CADPS: variants seen among roughly 807,000 people sequenced by gnomAD.
The protein encoded by CADPS is calcium dependent secretion activator.
A neutral mutation model predicts 167.3 loss-of-function variants in CADPS; 57 were observed. The ratio of observed to expected loss-of-function variants is 0.34; its 90% CI spans 0.28 to 0.42. The LOEUF (loss-of-function observed/expected upper bound fraction) is 0.42. Among genes scored for constraint, CADPS ranks in the 20% least tolerant of loss-of-function variants. The pLI, the probability that CADPS is intolerant of heterozygous loss-of-function variation, is 1.00. For synonymous variants in CADPS, 676 were observed against 635.3 expected, an observed-to-expected ratio of 1.06 and a Z score of -0.96; for missense variants, 1,414 against 1,738.1, an observed-to-expected ratio of 0.81 and a Z score of 3.32.
chr3:62,578,028 T>A (rs1295648520), intron 8 of CADPS, among the ~76,000 whole-genome samples: 8 of 152,122 alleles, frequency 5.3e-5, no homozygotes, highest in African/African-American at 1.9e-4. Flanking sequence ...TAACATTAAA[T>A]GCAAATAGGC....
intron 6 of CADPS, among the ~76,000 whole-genome samples, chr3:62,626,990 G>A (rs1191844476): frequency 6.6e-6 from 1 of 152,042 alleles, no homozygotes; most frequent in Non-Finnish European, 1.5e-5. Context: ...GTAGATATAT[G>A]TCCTAATTCT....
intron 2 of CADPS, among the ~76,000 whole-genome samples, chr3:62,759,535 A>G (rs566091089): frequency 6.6e-6 from 1 of 152,184 alleles, no homozygotes; most frequent in Non-Finnish European, 1.5e-5. Flanking sequence ...AAGACAGTTT[A>G]CTGATGAGAG....
At chr3:62,666,790 T>A (rs577544241) in intron 3 of CADPS, among the ~76,000 whole-genome samples, 1 of 152,286 alleles carries the variant, frequency 6.6e-6, no homozygotes, top group African/African-American at 2.4e-5. Context: ...TGGGTGGTAC[T>A]CTTTCCGTCA....
intron 9 of CADPS, among the ~76,000 whole-genome samples, chr3:62,561,494 T>C (rs1022073298): frequency 6.6e-6 from 1 of 151,858 alleles, no homozygotes; most frequent in Non-Finnish European, 1.5e-5. Flanking sequence ...TGGTTTGAAC[T>C]CCTGGGCTCA....
intron 3 of CADPS, among the ~76,000 whole-genome samples, chr3:62,689,839 A>AAG (rs2078772416): frequency 6.6e-6 from 1 of 151,998 alleles, no homozygotes; most frequent in Non-Finnish European, 1.5e-5. Context: ...GAGGATGGGT[A>AAG]AGATTTCAAA....
At chr3:62,688,208 C>T (rs1011426905) in intron 3 of CADPS, among the ~76,000 whole-genome samples, 3 of 150,402 alleles carry the variant, frequency 2.0e-5, no homozygotes, top group African/African-American at 7.4e-5. Flanking sequence ...TGGCCACTAC[C>T]CAATGTAAAC....
intron 1 of CADPS, among the ~76,000 whole-genome samples, chr3:62,843,925 T>G (rs879465670): frequency 1.3e-5 from 2 of 152,056 alleles, no homozygotes; most frequent in Non-Finnish European, 2.9e-5. Context: ...TGTAAAAAGA[T>G]CAATACTTTA....
intron 28 of CADPS, among the ~76,000 whole-genome samples, chr3:62,410,053 T>TAC (rs886268480): frequency 6.6e-6 from 1 of 151,970 alleles, no homozygotes; most frequent in African/African-American, 2.4e-5. Flanking sequence ...CATACATATA[T>TAC]ACACACACAC....
intron 28 of CADPS, among the ~76,000 whole-genome samples, chr3:62,432,220 C>T (rs1267642321): frequency 1.3e-5 from 2 of 152,070 alleles, no homozygotes; most frequent in Non-Finnish European, 2.9e-5. Flanking sequence ...TTTTTAACTA[C>T]GTCTGTCTAC....
intron 8 of CADPS, among the ~76,000 whole-genome samples, chr3:62,572,529 TA>T (rs373925822): frequency 3.3e-5 from 5 of 152,226 alleles, no homozygotes; most frequent in African/African-American, 1.2e-4. Flanking sequence ...GCCTCCCCCC[TA>T]CCCCCACCAT....
intron 21 of CADPS, among the ~76,000 whole-genome samples, chr3:62,484,526 T>C (rs950291180): frequency 6.6e-6 from 1 of 152,164 alleles, no homozygotes; most frequent in African/African-American, 2.4e-5. Flanking sequence ...ATTGCAATCC[T>C]AACAACTTAT....
At chr3:62,652,224 C>G (rs1056779245) in intron 4 of CADPS, among the ~76,000 whole-genome samples, 7 of 151,862 alleles carry the variant, frequency 4.6e-5, no homozygotes, top group African/African-American at 1.7e-4. Context: ...AATTCTCACC[C>G]AAAGTCTAAC....
rs78245568 is a variant in CADPS, at chr3:62,628,422, A to G, written c.1325+17300T>C. Among the ~76,000 whole-genome samples the G allele has an allele frequency of 5.5e-3, 837 of 152,262 alleles. 9 individuals are homozygous for G. The highest frequency in any genetic ancestry group is 0.02 in the African/African-American group (816 of 41,552). ...TTTCTATATTTAATGAATTTTTTTG[A>G]ATGTCAGCAAAATCTAGTAATATGC... On this transcript the variant is annotated intron_variant, in intron 6 of 29. Coordinates refer to ENST00000383710, the MANE Select transcript of CADPS (RefSeq NM_003716.4).
intron 1 of CADPS, among the ~76,000 whole-genome samples, chr3:62,787,074 G>A (rs1290283783): frequency 4.0e-5 from 6 of 151,748 alleles, no homozygotes; most frequent in Non-Finnish European, 7.4e-5. Flanking sequence ...CAGGAGGATC[G>A]CTTGATCTCC....
intron 9 of CADPS, among the ~76,000 whole-genome samples, chr3:62,558,704 T>C (rs2078629547): frequency 6.6e-6 from 1 of 152,118 alleles, no homozygotes. Flanking sequence ...ATGAAGGGTG[T>C]CCGCAGGAGG....
intron 1 of CADPS, among the ~76,000 whole-genome samples, chr3:62,789,816 G>A (rs1042302474): frequency 1.2e-4 from 18 of 151,850 alleles, no homozygotes; most frequent in East Asian, 3.9e-4. Context: ...TATAATTAAC[G>A]TGTATCAAGC....
chr3:62,437,098 T>G (rs1280489972), intron 28 of CADPS, among the ~76,000 whole-genome samples: 2 of 151,238 alleles, frequency 1.3e-5, no homozygotes, highest in Non-Finnish European at 2.9e-5. Context: ...GACCAAAACA[T>G]TAATGTTCGC....
chr3:62,544,915 A>G lies in CADPS; in HGVS notation c.1966+4988T>C, dbSNP rs2076219829. ...CCAGAATAACATAAAGACTAGCAAC[A>G]AGGCTCAGGAAAGCAGACAGGAGTT... On this transcript the variant is annotated intron_variant, in intron 11 of 29. Transcript: ENST00000383710. This position sits in a 1 kb window ranked among gnomAD's most constrained non-coding sequence, Gnocchi z 4.4. 2 of 1,113,232 alleles carry G rather than the reference A, an allele frequency of 1.8e-6. No individual in the cohort carries two copies. The highest frequency in any genetic ancestry group is 2.3e-6 in the Non-Finnish European group (2 of 876,544). 69.0% of individuals were successfully genotyped at this position (1,113,232 alleles called of 1,614,324 possible). A position where few individuals can be genotyped will look rare whatever the true frequency, so the allele number is the denominator to read the frequency against.
chr3:62,644,510 C>T (rs79567622), intron 6 of CADPS, among the ~76,000 whole-genome samples: 5,084 of 152,158 alleles, frequency 0.033, 292 homozygotes, highest in African/African-American at 0.12. Context: ...TCCACTGCAG[C>T]GAGAGTCATC....
Sources: gnomAD v4.1 joint callset for allele counts (sites outside exome capture counted in the v4.1 genomes callset) on GRCh38, gnomAD v4.1.1 for gene constraint, Gnocchi (gnomAD v3.1) non-coding constraint, MANE v1.5 for transcripts, NCBI Gene and HGNC (gene_info 2026-07-23, HGNC 2026-07-21) for gene names.